The following PIP5K1B variants were observed in gnomAD, a reference collection of about 807,000 sequenced individuals.
PIP5K1B encodes phosphatidylinositol-4-phosphate 5-kinase type 1 beta, also known as phosphatidylinositol 4-phosphate 5-kinase type-1 beta.
In PIP5K1B, 42 loss-of-function variants were observed where a neutral mutation model predicts 67.0. That is an observed-to-expected ratio of 0.63 (90% CI 0.49 to 0.81). The LOEUF is 0.81. Ranked by LOEUF, PIP5K1B falls within the 30% of genes least tolerant of loss-of-function variation. PIP5K1B has a pLI of 0.00. For missense variants in PIP5K1B, 459 were observed against 646.3 expected, an observed-to-expected ratio of 0.71 and a Z score of 3.14; for synonymous variants, 214 against 231.4, an observed-to-expected ratio of 0.92 and a Z score of 0.68.
chr9:68,912,549 CTTGGCACGGATTAACTCAG>C (rs1463422951), intron 8 of PIP5K1B, among the ~76,000 whole-genome samples: 1 of 152,152 alleles, frequency 6.6e-6, no homozygotes. Flanking sequence ...GTGCCTAAGA[CTTGGCACGGATTAACTCAG>C]TTAATCTTCA....
intron 2 of PIP5K1B, among the ~76,000 whole-genome samples, chr9:68,750,138 G>A (rs1277492887): frequency 1.3e-5 from 2 of 152,200 alleles, no homozygotes; most frequent in Non-Finnish European, 2.9e-5. Flanking sequence ...CCCATGCTCT[G>A]CCATGCTACT....
chr9:68,827,991 T>C lies in PIP5K1B; in HGVS notation c.69+5308T>C, dbSNP rs931371860. ...ACAAACAGATGTCAGGGTGGTTCAG[T>C]GACATATGCCAGGTTACCTTGCAGT... On this transcript the variant is annotated intron_variant, in intron 4 of 15. Transcript: ENST00000265382. 2.6e-5 allele frequency among the ~76,000 whole-genome samples: 4 copies of C among 152,294 alleles called. 1 individual carries two copies. Among genetic ancestry groups the C allele is most frequent in the African/African-American group, 9.6e-5 (4 of 41,566 alleles).
chr9:68,802,813 T>C (rs1268721404), intron 2 of PIP5K1B, among the ~76,000 whole-genome samples: 2 of 152,116 alleles, frequency 1.3e-5, no homozygotes, highest in Admixed American at 1.3e-4. Context: ...GGAGGAGATA[T>C]GAGAGTCGTG....
Position 68,991,248 on chromosome 9 carries a change from C to T in PIP5K1B, c.1611C>T (p.Asp537=), listed in dbSNP as rs190587386. Residue 537 remains aspartate, a synonymous_variant, in exon 15 of 16, where the codon GAC becomes GAT. Coordinates refer to ENST00000265382, the MANE Select transcript of PIP5K1B (RefSeq NM_003558.4). ...AGGATGACAATGCTTCTGTGCTTGACGTCTATTTAGTAAGTAATTTTTTAG... is the reference window on the plus strand; with the variant it reads ...AGGATGACAATGCTTCTGTGCTTGATGTCTATTTAGTAAGTAATTTTTTAG... ...EVQDDNASVL[D]VYL 112 of 1,583,456 alleles carry T rather than the reference C, an allele frequency of 7.1e-5. No individual in the cohort carries two copies. Among genetic ancestry groups the T allele is most frequent in the South Asian group, 2.5e-4 (23 of 90,494 alleles).
chr9:69,005,606 C>T (rs756443707), intron 15 of PIP5K1B, among the ~76,000 whole-genome samples: 5 of 152,238 alleles, frequency 3.3e-5, no homozygotes, highest in African/African-American at 7.2e-5. Context: ...GAACTCCTCC[C>T]GACCTCAGGT....
intron 2 of PIP5K1B, among the ~76,000 whole-genome samples, chr9:68,795,771 G>A (rs1421464142): frequency 2.6e-5 from 4 of 152,122 alleles, no homozygotes; most frequent in African/African-American, 9.6e-5. Flanking sequence ...AAATTTCTGG[G>A]TTTCTCCTAT....
At chr9:68,963,696 C>T (rs1364009989) in intron 14 of PIP5K1B, among the ~76,000 whole-genome samples, 3 of 152,130 alleles carry the variant, frequency 2.0e-5, no homozygotes, top group Admixed American at 1.3e-4. Context: ...GATCAGGGAC[C>T]TTTACAATGG....
intron 2 of PIP5K1B, among the ~76,000 whole-genome samples, chr9:68,745,320 C>G (rs551755802): frequency 8.5e-4 from 129 of 152,302 alleles, no homozygotes; most frequent in South Asian, 3.7e-3. Context: ...CTTTTAGCCA[C>G]CAACAAGCAG....
intron 5 of PIP5K1B, among the ~76,000 whole-genome samples, chr9:68,874,326 A>T (rs922196002): frequency 5.3e-5 from 8 of 152,296 alleles, no homozygotes; most frequent in African/African-American, 1.9e-4. Context: ...TTGAATGACC[A>T]AATACCTGTT....
chr9:68,752,601 T>G (rs999227956), intron 2 of PIP5K1B, among the ~76,000 whole-genome samples: 2 of 152,074 alleles, frequency 1.3e-5, no homozygotes, highest in Non-Finnish European at 2.9e-5. Flanking sequence ...AACCTGATAA[T>G]GCAGAAAAAT....
At chr9:68,833,284 CGAGT>C (rs1419067100) in intron 4 of PIP5K1B, among the ~76,000 whole-genome samples, 1 of 152,176 alleles carries the variant, frequency 6.6e-6, no homozygotes, top group Non-Finnish European at 1.5e-5. Flanking sequence ...GCTGGGATCG[CGAGT>C]GTGTGAAGGA....
intron 1 of PIP5K1B, among the ~76,000 whole-genome samples, chr9:68,732,922 G>A (rs902983316): frequency 1.3e-5 from 2 of 151,736 alleles, no homozygotes; most frequent in South Asian, 2.1e-4. Flanking sequence ...GGGTTGGGGG[G>A]GGGGCGGCGC....
intron 6 of PIP5K1B, among the ~76,000 whole-genome samples, chr9:68,882,686 A>G (rs1028661907): frequency 1.3e-5 from 2 of 152,218 alleles, no homozygotes; most frequent in African/African-American, 4.8e-5. Flanking sequence ...TTCACAACAT[A>G]AACTCCTACC....
Position 68,742,839 on chromosome 9 carries a change from C to T in PIP5K1B, c.-86+182C>T, listed in dbSNP as rs946106253. Among the ~76,000 whole-genome samples the T allele has an allele frequency of 1.1e-4, 16 of 152,196 alleles. 2 individuals carry two copies. The highest frequency in any genetic ancestry group is 3.4e-3 in the Middle Eastern group (1 of 294). ...AGAGGTGCCCCAGGAAAATCTTTTACACAAAAGAACACTACAGCATCTGAC... is the reference window on the plus strand; with the variant it reads ...AGAGGTGCCCCAGGAAAATCTTTTATACAAAAGAACACTACAGCATCTGAC... On this transcript the variant is annotated intron_variant, in intron 2 of 15. Coordinates refer to ENST00000265382, the MANE Select transcript of PIP5K1B (RefSeq NM_003558.4).
At chr9:68,750,458 A>G (rs566017579) in intron 2 of PIP5K1B, among the ~76,000 whole-genome samples, 11 of 152,360 alleles carry the variant, frequency 7.2e-5, no homozygotes, top group Admixed American at 7.2e-4. Flanking sequence ...TAGCTGTTGC[A>G]TTCACTTATG....
At chr9:68,940,057 T>C (rs1456107498) in intron 13 of PIP5K1B, among the ~76,000 whole-genome samples, 1 of 152,152 alleles carries the variant, frequency 6.6e-6, no homozygotes, top group Non-Finnish European at 1.5e-5. Context: ...AAAATAAGTG[T>C]TTTCTCATTT....
intron 2 of PIP5K1B, chr9:68,782,881 T>A (rs987811023): frequency 2.4e-5 from 4 of 167,230 alleles, no homozygotes; most frequent in South Asian, 4.1e-4. Context: ...ATGTCATCAC[T>A]GATTTCCTAA....
intron 2 of PIP5K1B, chr9:68,781,710 CAACTAT>C (rs955247421): frequency 1.2e-5 from 2 of 165,666 alleles, no homozygotes; most frequent in African/African-American, 4.9e-5. Context: ...GTCAGTCATA[CAACTAT>C]AACTACTATA....
chr9:68,972,038 G>A (rs1829397720), intron 14 of PIP5K1B, among the ~76,000 whole-genome samples: 1 of 152,154 alleles, frequency 6.6e-6, no homozygotes, highest in Admixed American at 6.5e-5. Context: ...TGCTTTTGGT[G>A]TTTTAGTCAT....
Sources: allele counts gnomAD v4.1 joint callset (sites outside exome capture counted in the v4.1 genomes callset), GRCh38; gene constraint gnomAD v4.1.1; transcripts MANE v1.5; gene names NCBI Gene and HGNC (gene_info 2026-07-23, HGNC 2026-07-21).